Variants in EEIG1 observed in about 807,000 individuals in gnomAD.
The protein encoded by EEIG1 is estrogen-induced osteoclastogenesis regulator 1.
the EEIG1 span, among the ~76,000 whole-genome samples, chr9:127,954,834 T>C: frequency 6.6e-6 from 1 of 152,182 alleles, no homozygotes. Context: ...CGGTTCCTCC[T>C]GAGTTGGAGA....
chr9:127,955,453 G>C, the EEIG1 span, among the ~76,000 whole-genome samples: 1 of 152,270 alleles, frequency 6.6e-6, no homozygotes, highest in Non-Finnish European at 1.5e-5. Flanking sequence ...CAGGAGCCCG[G>C]GAAAGCCTGG....
chr9:127,962,275 G>C, the EEIG1 span, among the ~76,000 whole-genome samples: 1 of 152,368 alleles, frequency 6.6e-6, no homozygotes, highest in South Asian at 2.1e-4. Flanking sequence ...GCCACCTCTG[G>C]CCACTGGAGT....
chr9:127,965,919 T>C, the EEIG1 span, among the ~76,000 whole-genome samples: 9 of 152,242 alleles, frequency 5.9e-5, no homozygotes, highest in African/African-American at 1.9e-4. Flanking sequence ...CAGGACCTCC[T>C]CCTGCAAGGA....
At chr9:127,973,963 G>C in the EEIG1 span, among the ~76,000 whole-genome samples, 1 of 152,182 alleles carries the variant, frequency 6.6e-6, no homozygotes, top group African/African-American at 2.4e-5. The surrounding 1 kb of genome is among the most constrained non-coding windows in gnomAD (Gnocchi z 4.2). Context: ...ACACAGCACT[G>C]CTGCCAGATC....
the EEIG1 span, among the ~76,000 whole-genome samples, chr9:127,973,022 C>A: frequency 1.5e-3 from 221 of 152,252 alleles, no homozygotes; most frequent in Middle Eastern, 0.014. This position sits in a 1 kb window ranked among gnomAD's most constrained non-coding sequence, Gnocchi z 4.2. Flanking sequence ...CAGAGCAACA[C>A]CCCCTCCCCA....
At chr9:127,965,813 G>A in the EEIG1 span, among the ~76,000 whole-genome samples, 1 of 152,248 alleles carries the variant, frequency 6.6e-6, no homozygotes, top group South Asian at 2.1e-4. Context: ...ACCAGCCAAG[G>A]CGTCCGTCCA....
the EEIG1 span, among the ~76,000 whole-genome samples, chr9:127,980,799 C>T: frequency 2.0e-5 from 3 of 149,706 alleles, no homozygotes; most frequent in East Asian, 5.8e-4. Flanking sequence ...ACCGGGCCGG[C>T]CCCGGGCAGC....
At chr9:127,955,640 A>G in the EEIG1 span, among the ~76,000 whole-genome samples, 417 of 152,368 alleles carry the variant, frequency 2.7e-3, no homozygotes, top group Middle Eastern at 6.8e-3. Context: ...GGAAGGTGAC[A>G]TTCAAGCTCA....
At chr9:127,957,210 C>T in the EEIG1 span, among the ~76,000 whole-genome samples, 1 of 150,432 alleles carries the variant, frequency 6.6e-6, no homozygotes, top group Non-Finnish European at 1.5e-5. Flanking sequence ...GCCTGGGCAA[C>T]AGAGTGAGAC....
At chr9:127,954,404 G>T in the EEIG1 span, among the ~76,000 whole-genome samples, 1 of 152,236 alleles carries the variant, frequency 6.6e-6, no homozygotes, top group African/African-American at 2.4e-5. Context: ...CTCCCAGCCA[G>T]TAGATAGCTG....
At chr9:127,948,424 G>C in the EEIG1 span, 5 of 1,613,956 alleles carry the variant, frequency 3.1e-6, no homozygotes, top group Middle Eastern at 8.2e-4. Flanking sequence ...CCTGTGGCGA[G>C]GGGAGCAATC....
At chr9:127,951,521 A>C in the EEIG1 span, among the ~76,000 whole-genome samples, 1 of 152,072 alleles carries the variant, frequency 6.6e-6, no homozygotes, top group South Asian at 2.1e-4. Flanking sequence ...TAGATGAGAA[A>C]ACTAAGTTCA....
chr9:127,980,382 T>G, the EEIG1 span: 1 of 429,054 alleles, frequency 2.3e-6, no homozygotes, highest in Non-Finnish European at 4.2e-6. Context: ...GCCGGGGACC[T>G]CACCGGCATG....
chr9:127,956,257 C>CCAGCTTA, the EEIG1 span, among the ~76,000 whole-genome samples: 1 of 152,048 alleles, frequency 6.6e-6, no homozygotes, highest in Non-Finnish European at 1.5e-5. Context: ...ACAGCAGTAA[C>CCAGCTTA]CAGCTTACAT....
the EEIG1 span, among the ~76,000 whole-genome samples, chr9:127,950,258 CCTCT>C: frequency 6.6e-6 from 1 of 152,180 alleles, no homozygotes; most frequent in South Asian, 2.1e-4. Context: ...GCCAGGCCTC[CCTCT>C]GATAGTGGTT....
the EEIG1 span, chr9:127,963,838 G>A: frequency 6.6e-6 from 1 of 152,340 alleles, no homozygotes; most frequent in Non-Finnish European, 1.5e-5. Flanking sequence ...CTGGTTGAGA[G>A]GGGGAGACGG....
the EEIG1 span, among the ~76,000 whole-genome samples, chr9:127,947,638 C>T: frequency 1.3e-5 from 2 of 152,170 alleles, no homozygotes; most frequent in African/African-American, 2.4e-5. Context: ...GCTCCCAGCA[C>T]GTCCCTCTGC....
At chr9:127,978,404 G>C in the EEIG1 span, among the ~76,000 whole-genome samples, 1 of 152,218 alleles carries the variant, frequency 6.6e-6, no homozygotes, top group Non-Finnish European at 1.5e-5. Context: ...TCTCAGAACA[G>C]GGAGGCAGCT....
chr9:127,975,088 G>A, the EEIG1 span, among the ~76,000 whole-genome samples: 6 of 152,344 alleles, frequency 3.9e-5, no homozygotes, highest in South Asian at 1.0e-3. Flanking sequence ...CCTTTTCCTA[G>A]AAGGGCGGGT....
Sources: allele counts gnomAD v4.1 joint callset (sites outside exome capture counted in the v4.1 genomes callset), GRCh38; gene constraint gnomAD v4.1.1; non-coding constraint Gnocchi (gnomAD v3.1); transcripts MANE v1.5; gene names NCBI Gene and HGNC (gene_info 2026-07-23, HGNC 2026-07-21).